Variants in ZFHX3 observed in about 807,000 individuals in gnomAD.
ZFHX3 encodes the protein zinc finger homeobox protein 3.
In ZFHX3, 42 loss-of-function variants were observed where a neutral mutation model predicts 279.1. That is an observed-to-expected ratio of 0.15 (90% CI 0.12 to 0.19). The LOEUF (loss-of-function observed/expected upper bound fraction) is 0.19, where lower values mean the gene tolerates loss of function less well. Ranked by LOEUF, ZFHX3 falls within the 10% of genes least tolerant of loss-of-function variation. The pLI is 1.00. For synonymous variants in ZFHX3, 2,293 were observed against 1,957.8 expected (o/e 1.17, Z -4.52); for missense variants, 4,981 against 4,754.0 (o/e 1.05, Z -1.40).
At chr16:73,661,816 G>A (rs754801618) in intron 2 of ZFHX3, among the ~76,000 whole-genome samples, 3 of 151,858 alleles carry the variant, frequency 2.0e-5, no homozygotes, top group Non-Finnish European at 4.4e-5. Flanking sequence ...GAGCCAGATG[G>A]AGTTTAAGGT....
chr16:73,545,413 C>T lies in ZFHX3; in HGVS notation c.-1546-89155G>A, dbSNP rs71388973. Among the ~76,000 whole-genome samples the T allele has an allele frequency of 2.8e-3, 420 of 152,290 alleles. 1 individual carries two copies. The highest frequency in any genetic ancestry group is 4.1e-3 in the Non-Finnish European group (280 of 68,030). ...ACAGCATTAGCACAGCGCTGGGCCG[C>T]CTCCTGGCTTCGGCGTCTCTCTCCT... On this transcript the variant is annotated intron_variant, in intron 2 of 17. Transcript: ENST00000641206.
chr16:73,378,217 A>G (rs1235148637), intron 3 of ZFHX3, among the ~76,000 whole-genome samples: 3 of 152,122 alleles, frequency 2.0e-5, no homozygotes, highest in African/African-American at 7.2e-5. Context: ...GAAAGAGTCA[A>G]CGTGCTTCCT....
intron 3 of ZFHX3, among the ~76,000 whole-genome samples, chr16:73,428,260 C>A (rs11149790): frequency 1.3e-5 from 2 of 152,088 alleles, no homozygotes; most frequent in East Asian, 1.9e-4. Flanking sequence ...CGGCCTTGAA[C>A]TCTCCGTCTG....
In ZFHX3 at chr16:73,269,721, A is replaced by G. The variant is rs976584880; in HGVS notation, c.-1193-12585T>C. On this transcript the variant is annotated intron_variant, in intron 4 of 17. Transcript: ENST00000641206. ...CATCATATATTTAACTTTACAAGAAACTTCCCATATATTTTTCTTTTTTGC... is the reference window on the plus strand; with the variant it reads ...CATCATATATTTAACTTTACAAGAAGCTTCCCATATATTTTTCTTTTTTGC... Among the ~76,000 whole-genome samples the G allele has an allele frequency of 4.0e-5, 6 of 151,282 alleles. No homozygotes were observed. In the South Asian group the frequency reaches 1.2e-3, roughly 31 times the overall value.
At chr16:72,872,879 AT>A (rs1359001365) in intron 4 of ZFHX3, among the ~76,000 whole-genome samples, 1 of 152,164 alleles carries the variant, frequency 6.6e-6, no homozygotes, top group African/African-American at 2.4e-5. Context: ...TGGGATTGCA[AT>A]TTTTGGCCCT....
At chr16:72,961,459 C>T (rs1362444530) in intron 1 of ZFHX3, among the ~76,000 whole-genome samples, 2 of 152,172 alleles carry the variant, frequency 1.3e-5, no homozygotes, top group African/African-American at 2.4e-5. Flanking sequence ...CTCAGCACCT[C>T]GCAGAGCCCT....
chr16:73,494,353 G>A (rs575725611), intron 2 of ZFHX3, among the ~76,000 whole-genome samples: 124 of 152,244 alleles, frequency 8.1e-4, no homozygotes, highest in African/African-American at 2.7e-3. Context: ...AAAGGAAAGC[G>A]AGTGGAAACA....
Position 73,633,084 on chromosome 16 carries a change from G to GA in ZFHX3, c.-1547+47095dup, listed in dbSNP as rs1320588849. ...ACAAAGCGAGACTCCGTCTCAAAAA[G>GA]AAAAAAAATAAGAAAGACTGACATC... On this transcript the variant is annotated intron_variant, in intron 2 of 17. Coordinates refer to the ZFHX3 transcript ENST00000641206. Among the ~76,000 whole-genome samples the GA allele has an allele frequency of 5.3e-5, 8 of 151,650 alleles. No individual in the cohort carries two copies. The East Asian group carries it at 1.5e-3, about 29-fold the overall frequency.
At chr16:73,163,925 T>C (rs1967300560) in intron 5 of ZFHX3, among the ~76,000 whole-genome samples, 1 of 152,242 alleles carries the variant, frequency 6.6e-6, no homozygotes, top group Admixed American at 6.5e-5. Flanking sequence ...CTCTCTTTCT[T>C]GCTTGCCATA....
chr16:72,908,150 C>G (rs1214114832), intron 3 of ZFHX3, among the ~76,000 whole-genome samples: 1 of 152,190 alleles, frequency 6.6e-6, no homozygotes, highest in African/African-American at 2.4e-5. Flanking sequence ...GGCACACCCC[C>G]CAGTGAGACT....
chr16:73,310,581 T>A (rs1227000785), intron 4 of ZFHX3, among the ~76,000 whole-genome samples: 1 of 152,100 alleles, frequency 6.6e-6, no homozygotes, highest in African/African-American at 2.4e-5. Context: ...GCTGCTGACA[T>A]CTAATAGGTA....
intron 2 of ZFHX3, among the ~76,000 whole-genome samples, chr16:73,674,299 G>A (rs2052932484): frequency 1.3e-5 from 2 of 152,052 alleles, no homozygotes; most frequent in Admixed American, 6.5e-5. Flanking sequence ...TGAGAAGAGA[G>A]GCTGTTCACA....
At chr16:73,687,420 T>C (rs997295434) in intron 1 of ZFHX3, among the ~76,000 whole-genome samples, 2 of 151,824 alleles carry the variant, frequency 1.3e-5, no homozygotes, top group African/African-American at 4.8e-5. Context: ...GGTCATTTAT[T>C]ACTAGATAAA....
At chr16:72,802,564 G>T (rs532240752) in intron 7 of ZFHX3, among the ~76,000 whole-genome samples, 2 of 152,136 alleles carry the variant, frequency 1.3e-5, no homozygotes, top group Admixed American at 6.5e-5. Flanking sequence ...TGAAAAAAAG[G>T]GGGGGTTGGT....
chr16:73,241,820 T>G (rs74249780), intron 5 of ZFHX3, among the ~76,000 whole-genome samples: 23,676 of 130,908 alleles, frequency 0.18, 3,354 homozygotes, highest in East Asian at 0.45. Context: ...AAAAAAGGAG[T>G]GTTGGGCACT....
In ZFHX3 at chr16:72,867,693, C is replaced by T. The variant is rs553553088; in HGVS notation, c.3448+22038G>A. 1.1e-4 allele frequency among the ~76,000 whole-genome samples: 17 copies of T among 148,118 alleles called. No homozygotes were observed. In the South Asian group the frequency reaches 3.7e-3, roughly 33 times the overall value. ...AGTTTCTAGCCAAGGTGAAAAGTAG[C>T]GAACCCCCAGAGTAGACTCTTTGAC... On this transcript the variant is annotated intron_variant, in intron 4 of 9. Coordinates refer to ENST00000268489, the MANE Select transcript of ZFHX3 (RefSeq NM_006885.4).
At chr16:73,324,228 T>C (rs1274080883) in intron 3 of ZFHX3, among the ~76,000 whole-genome samples, 1 of 152,214 alleles carries the variant, frequency 6.6e-6, no homozygotes, top group Non-Finnish European at 1.5e-5. Context: ...GTCTGTGATA[T>C]TGCTGGATTG....
intron 1 of ZFHX3, among the ~76,000 whole-genome samples, chr16:73,730,099 T>C (rs963728931): frequency 6.6e-6 from 1 of 152,120 alleles, no homozygotes; most frequent in South Asian, 2.1e-4. Flanking sequence ...CTGACTCTTC[T>C]ACATGGTTAA....
chr16:72,970,660 G>A (rs1597035626), intron 1 of ZFHX3, among the ~76,000 whole-genome samples: 3 of 152,148 alleles, frequency 2.0e-5, no homozygotes, highest in Non-Finnish European at 4.4e-5. Context: ...CACTTTCCCG[G>A]CTAAACCGGA....
Sources: gnomAD v4.1 joint callset for allele counts (sites outside exome capture counted in the v4.1 genomes callset) on GRCh38, gnomAD v4.1.1 for gene constraint, MANE v1.5 for transcripts, NCBI Gene and HGNC (gene_info 2026-07-23, HGNC 2026-07-21) for gene names.